The following NUP93 variants were observed in gnomAD, a reference collection of about 807,000 sequenced individuals.
NUP93 encodes nucleoporin 93, also known as nuclear pore complex protein Nup93.
Under a neutral mutation model 107.8 loss-of-function variants are expected in NUP93, and 55 were observed. The observed-to-expected ratio is 0.51, with a 90% CI of 0.41 to 0.64. The LOEUF is 0.64. Ranked by LOEUF, NUP93 falls within the 30% of genes least tolerant of loss-of-function variation. The pLI is 0.00. For synonymous variants in NUP93, 390 were observed against 397.5 expected (o/e 0.98, Z 0.22); for missense variants, 937 against 1,044.7 (o/e 0.90, Z 1.42).
intron 5 of NUP93, among the ~76,000 whole-genome samples, chr16:56,806,445 C>T (rs1963142046): frequency 6.6e-6 from 1 of 152,080 alleles, no homozygotes. Context: ...TTACTCCAAA[C>T]CTTGTTTGTT....
intron 3 of NUP93, among the ~76,000 whole-genome samples, chr16:56,794,442 A>T (rs1962843881): frequency 6.6e-6 from 1 of 152,100 alleles, no homozygotes; most frequent in Admixed American, 6.5e-5. Context: ...CAAAACAATA[A>T]TGTCTTTTTT....
At chr16:56,774,425 C>G (rs1468717008) in intron 3 of NUP93, among the ~76,000 whole-genome samples, 1 of 152,008 alleles carries the variant, frequency 6.6e-6, no homozygotes, top group Non-Finnish European at 1.5e-5. Flanking sequence ...GTATGCCCCC[C>G]ACCCCCACCA....
intron 1 of NUP93, among the ~76,000 whole-genome samples, chr16:56,739,522 G>T (rs1961672758): frequency 8.2e-6 from 1 of 121,952 alleles, no homozygotes; most frequent in Non-Finnish European, 1.8e-5. Context: ...CGGGCGGGGG[G>T]GCTGACCCCC....
chr16:56,828,725 T>A (rs1484505135), intron 8 of NUP93, among the ~76,000 whole-genome samples: 1 of 152,254 alleles, frequency 6.6e-6, no homozygotes, highest in African/African-American at 2.4e-5. Flanking sequence ...TTAATGTATT[T>A]GAAGTCCACA....
chr16:56,837,417 G>GT (rs1489472656), intron 17 of NUP93, among the ~76,000 whole-genome samples, 191 bp from the exon 18 acceptor site: 1 of 152,174 alleles, frequency 6.6e-6, no homozygotes, highest in African/African-American at 2.4e-5. Context: ...ATAAAAATTA[G>GT]TCAGGCATAG....
Position 56,845,612 on chromosome 16 carries a change from A to G in NUP93, c.*1003A>G, listed in dbSNP as rs1964107503. 1 of 152,176 alleles carries G rather than the reference A, an allele frequency of 6.6e-6. No homozygotes were observed. The highest frequency in any genetic ancestry group is 1.5e-5 in the Non-Finnish European group (1 of 68,036). The allele number at this position is 152,176 out of a possible 1,614,324, so 9.4% of individuals were successfully genotyped here. ...AGCCCTAGACTAAACCAGAGAGCAAATTAGGTCGTGTTTGTTCCTGAATGG... is the reference window on the plus strand; with the variant it reads ...AGCCCTAGACTAAACCAGAGAGCAAGTTAGGTCGTGTTTGTTCCTGAATGG... On this transcript the variant is annotated 3_prime_UTR_variant, in exon 22 of 22. Transcript: ENST00000308159.
intron 3 of NUP93, among the ~76,000 whole-genome samples, chr16:56,762,675 T>TTACACCA (rs1156385480): frequency 6.6e-6 from 1 of 152,180 alleles, no homozygotes; most frequent in Non-Finnish European, 1.5e-5. Flanking sequence ...TGTAACAAAG[T>TTACACCA]ACTGCAAACT....
At chr16:56,774,893 T>G (rs947585126) in intron 3 of NUP93, among the ~76,000 whole-genome samples, 12 of 151,058 alleles carry the variant, frequency 7.9e-5, no homozygotes, top group African/African-American at 2.7e-4. Flanking sequence ...TTTTTTTTGT[T>G]TTTGTTTTTG....
chr16:56,839,050 A>C lies in NUP93; in HGVS notation c.2117A>C (p.His706Pro), dbSNP rs1963968878. 3 of 1,612,488 alleles carry C rather than the reference A, an allele frequency of 1.9e-6. No homozygotes were observed. The highest frequency in any genetic ancestry group is 2.5e-6 in the Non-Finnish European group (3 of 1,178,664). The change falls in exon 19 of 22, where the codon CAT becomes CCT. Residue 706 changes from histidine to proline, a missense_variant. His to Pro is a moderately conservative substitution (Grantham distance 77). Coordinates refer to ENST00000308159, the MANE Select transcript of NUP93 (RefSeq NM_014669.5). ...TTTTTTGACGAGTATCATAGTGGTC[A>C]TATTGATAGAGCTTTTGATGTAAGT... ...ITFFDEYHSG[H>P]IDRAFDIIER... is the part of the protein sequence containing the mutation.
rs374600741 is a variant in NUP93, at chr16:56,839,666, C to A, written c.2220+62C>A. On this transcript the variant is annotated intron_variant, in intron 20 of 21. Transcript: ENST00000308159. ...TCCCCACTTCCACCAAAAGCTTTTT[C>A]TTTTCCTGTACCTAACAGCTTTAAG... 2.1e-5 allele frequency: 27 copies of A among 1,289,082 alleles called. No homozygotes were observed. In the African/African-American group the frequency reaches 3.9e-4, roughly 19 times the overall value. The allele number at this position is 1,289,082 out of a possible 1,614,324, so 79.9% of individuals were successfully genotyped here.
At chr16:56,768,601 C>G (rs185257514) in intron 3 of NUP93, among the ~76,000 whole-genome samples, 1 of 150,860 alleles carries the variant, frequency 6.6e-6, no homozygotes, top group African/African-American at 2.4e-5. Flanking sequence ...GGTGTGGTGG[C>G]TCACGCCTGT....
At chr16:56,801,189 T>G (rs1217791424) in intron 4 of NUP93, among the ~76,000 whole-genome samples, 2 of 152,214 alleles carry the variant, frequency 1.3e-5, no homozygotes, top group African/African-American at 4.8e-5. Context: ...AGTTATTAGT[T>G]GAGCAGTTCT....
At chr16:56,786,036 C>T (rs1251560046) in intron 3 of NUP93, among the ~76,000 whole-genome samples, 1 of 152,076 alleles carries the variant, frequency 6.6e-6, no homozygotes, top group Non-Finnish European at 1.5e-5. Flanking sequence ...AGCATTCCTA[C>T]GAAACTATGT....
intron 5 of NUP93, among the ~76,000 whole-genome samples, chr16:56,811,131 G>T (rs1315608654): frequency 1.3e-5 from 2 of 152,200 alleles, no homozygotes; most frequent in Admixed American, 6.5e-5. Flanking sequence ...CACCTAAGAG[G>T]GTAATTGCTG....
At chr16:56,777,085 A>G (rs1450078818) in intron 3 of NUP93, among the ~76,000 whole-genome samples, 1 of 152,152 alleles carries the variant, frequency 6.6e-6, no homozygotes, top group East Asian at 1.9e-4. Context: ...ATAGGAAAAG[A>G]GCCTTTCCCA....
chr16:56,737,696 T>A (rs950948415), intron 1 of NUP93, among the ~76,000 whole-genome samples: 2 of 152,070 alleles, frequency 1.3e-5, no homozygotes, highest in Non-Finnish European at 1.5e-5. Context: ...ATGTTCTGTG[T>A]AGTCTGTAGT....
chr16:56,787,942 C>A (rs1398627514), intron 3 of NUP93, among the ~76,000 whole-genome samples: 1 of 152,196 alleles, frequency 6.6e-6, no homozygotes, highest in Admixed American at 6.5e-5. Flanking sequence ...GAGGGCTCTG[C>A]TGCTGCTCTT....
chr16:56,750,047 A>T (rs1050198213), intron 2 of NUP93, among the ~76,000 whole-genome samples: 1 of 152,230 alleles, frequency 6.6e-6, no homozygotes, highest in African/African-American at 2.4e-5. Context: ...AAGGCCCATG[A>T]TGCCATCTTA....
At chr16:56,840,863 G>A (rs796187205) in intron 20 of NUP93, among the ~76,000 whole-genome samples, 2 of 152,294 alleles carry the variant, frequency 1.3e-5, no homozygotes, top group African/African-American at 4.8e-5. Context: ...CGGGCGTGGT[G>A]ACGCATACCT....
Sources: gnomAD v4.1 joint callset for allele counts (sites outside exome capture counted in the v4.1 genomes callset) on GRCh38, gnomAD v4.1.1 for gene constraint, MANE v1.5 for transcripts, NCBI Gene and HGNC (gene_info 2026-07-23, HGNC 2026-07-21) for gene names.